The following MYO5A variants were observed in gnomAD, a reference collection of about 807,000 sequenced individuals.
MYO5A encodes the protein unconventional myosin-Va.
A neutral mutation model predicts 249.7 loss-of-function variants in MYO5A; 98 were observed. That is an observed-to-expected ratio of 0.39 (90% CI 0.33 to 0.46). MYO5A has a LOEUF of 0.46. MYO5A is among the 20% of genes least tolerant of loss of function. MYO5A has a pLI of 0.98. For synonymous variants in MYO5A, 778 were observed against 810.6 expected (o/e 0.96, Z 0.68); for missense variants, 1,696 against 2,308.8 (o/e 0.73, Z 5.44).
chr15:52,481,685 A>G (rs2076718028), intron 1 of MYO5A, among the ~76,000 whole-genome samples: 1 of 152,268 alleles, frequency 6.6e-6, no homozygotes, highest in African/African-American at 2.4e-5. Context: ...TTCATGTTCC[A>G]GACATGAATG....
At chr15:52,525,173 T>C (rs2077708775) in intron 1 of MYO5A, among the ~76,000 whole-genome samples, 1 of 152,182 alleles carries the variant, frequency 6.6e-6, no homozygotes, top group Admixed American at 6.5e-5. Context: ...ATAGTTTCCT[T>C]TAATTCTTTT....
intron 29 of MYO5A, among the ~76,000 whole-genome samples, chr15:52,347,353 C>T (rs2141008830): frequency 6.6e-6 from 1 of 152,256 alleles, no homozygotes; most frequent in African/African-American, 2.4e-5. Flanking sequence ...AAAAGAAACC[C>T]TGCTGTGTAG....
chr15:52,343,299 A>C, intron 30 of MYO5A, 102 bp from the exon 31 acceptor site: 2 of 1,019,234 alleles, frequency 2.0e-6, no homozygotes, highest in Non-Finnish European at 3.1e-6. Context: ...ACATTTTATA[A>C]GTTTGTTTTT....
chr15:52,350,179 G>A (rs1243971674), intron 28 of MYO5A, among the ~76,000 whole-genome samples: 1 of 152,118 alleles, frequency 6.6e-6, no homozygotes, highest in African/African-American at 2.4e-5. Context: ...TGATCTGCCC[G>A]CCTCGGCCTC....
In MYO5A at chr15:52,476,536, G is replaced by C. The variant is rs1010833710; in HGVS notation, c.28-43251C>G. Among the ~76,000 whole-genome samples, 54 of 152,294 alleles carry C rather than the reference G, an allele frequency of 3.5e-4. No individual in the cohort carries two copies. The South Asian group carries it at 4.1e-3, about 12-fold the overall frequency. ...GTTTTTGCAGTGGCTGGTACTGGTT[G>C]TTCCTTTCCATGTTTAATGCTTCCT... On this transcript the variant is annotated intron_variant, in intron 1 of 41. Coordinates refer to ENST00000399233, the MANE Select transcript of MYO5A (RefSeq NM_001382347.1).
intron 24 of MYO5A, among the ~76,000 whole-genome samples, chr15:52,363,230 A>C (rs1348075091): frequency 3.3e-5 from 5 of 152,250 alleles, no homozygotes; most frequent in Non-Finnish European, 5.9e-5. Flanking sequence ...AAAAGAAGAA[A>C]AGGATTCAAG....
At chr15:52,397,065 G>T in intron 10 of MYO5A, 136 bp downstream of exon 10, 1 of 1,016,462 alleles carries the variant, frequency 9.8e-7, no homozygotes, top group Non-Finnish European at 1.5e-6. Flanking sequence ...CATCATCAAG[G>T]TATTCTTGAA....
chr15:52,497,441 AT>A (rs959912341), intron 1 of MYO5A, among the ~76,000 whole-genome samples: 5 of 150,748 alleles, frequency 3.3e-5, no homozygotes, highest in African/African-American at 1.2e-4. Context: ...AAATAAATAA[AT>A]AAATAAAATT....
intron 2 of MYO5A, among the ~76,000 whole-genome samples, chr15:52,431,034 C>A (rs140372445): frequency 2.6e-5 from 4 of 151,182 alleles, no homozygotes; most frequent in South Asian, 2.1e-4. Flanking sequence ...GAGTTTGAGA[C>A]CCGCCTGGCC....
rs1275735156 is a variant in MYO5A at position 52,428,443 on chromosome 15, G to T, written c.265C>A (p.Leu89Ile). 6.2e-7 allele frequency: 1 copy of T among 1,614,064 alleles called. No homozygotes were observed. The highest frequency in any genetic ancestry group is 8.5e-7 in the Non-Finnish European group (1 of 1,180,024). ...TTGGAATCAATAAAGCGGACTCTGAGATTATGGAGCACAGCAGGCTCATGA... is the reference window on the plus strand; with the variant it reads ...TTGGAATCAATAAAGCGGACTCTGATATTATGGAGCACAGCAGGCTCATGA... ...YLHEPAVLHN[L>I]RVRFIDSKLI... is the part of the protein sequence containing the mutation. The change falls in exon 3 of 42, where the codon CTC becomes ATC. Residue 89 changes from leucine to isoleucine, a missense_variant. Physicochemically the swap from Leu to Ile is conservative, Grantham distance 5. Coordinates refer to ENST00000399233, the MANE Select transcript of MYO5A (RefSeq NM_001382347.1).
intron 11 of MYO5A, among the ~76,000 whole-genome samples, chr15:52,393,440 C>T (rs188022412): frequency 1.1e-3 from 167 of 151,440 alleles, no homozygotes; most frequent in African/African-American, 3.9e-3. Context: ...GTCACCCAGG[C>T]TGGAGTGCAG....
At chr15:52,497,259 G>C (rs933828330) in intron 1 of MYO5A, among the ~76,000 whole-genome samples, 2 of 151,954 alleles carry the variant, frequency 1.3e-5, no homozygotes, top group African/African-American at 4.8e-5. Context: ...ACTGCACCCA[G>C]CCCGAGAAAA....
At chr15:52,408,030 G>A (rs1316022980) in intron 7 of MYO5A, 29 bp downstream of exon 7, 2 of 1,390,932 alleles carry the variant, frequency 1.4e-6, no homozygotes, top group African/African-American at 1.4e-5. Context: ...AACAATACCA[G>A]AACAATAAAT....
chr15:52,438,175 G>A (rs540164999), intron 1 of MYO5A: 1 of 411,088 alleles, frequency 2.4e-6, no homozygotes, highest in South Asian at 1.0e-4. Flanking sequence ...ACTTCCTACT[G>A]CTTTCATCAC....
At chr15:52,518,904 T>G (rs911593018) in intron 1 of MYO5A, among the ~76,000 whole-genome samples, 4 of 152,200 alleles carry the variant, frequency 2.6e-5, no homozygotes, top group Non-Finnish European at 4.4e-5. Flanking sequence ...TGAAGTTCCC[T>G]CCTCAATCTA....
chr15:52,372,168 T>C lies in MYO5A; in HGVS notation c.2773A>G (p.Met925Val). 1 of 1,613,718 alleles carries C rather than the reference T, an allele frequency of 6.2e-7. No homozygotes were observed. The highest frequency in any genetic ancestry group is 8.5e-7 in the Non-Finnish European group (1 of 1,180,026). Residue 925 changes from methionine to valine, a missense_variant, in exon 21 of 42, where the codon ATG becomes GTG. Physicochemically the swap from Met to Val is conservative, Grantham distance 21. This residue lies in a region of MYO5A where 412 missense variants were observed against 453.3 expected (regional missense o/e 0.91). Coordinates refer to ENST00000399233, the MANE Select transcript of MYO5A (RefSeq NM_001382347.1). ...VERYKKLHIG[M>V]ENKIMQLQRK... ...TGCAGCTGCATGATCTTGTTCTCCA[T>C]GCCGATGTGCAGCTTCTTATAGCGC... is the stretch of plus-strand genomic sequence containing the variant.
At chr15:52,448,963 T>C (rs1196501244) in intron 1 of MYO5A, among the ~76,000 whole-genome samples, 2 of 91,026 alleles carry the variant, frequency 2.2e-5, no homozygotes, top group Non-Finnish European at 4.9e-5. Context: ...CTTTCTTTTT[T>C]TTTTTTTTTT....
intron 18 of MYO5A, among the ~76,000 whole-genome samples, chr15:52,378,004 A>G (rs2041513897): frequency 6.6e-6 from 1 of 152,200 alleles, no homozygotes; most frequent in Non-Finnish European, 1.5e-5. Context: ...AATTATTTCA[A>G]TTTAAATCAA....
chr15:52,352,613 C>G (rs2040010784), intron 27 of MYO5A, among the ~76,000 whole-genome samples: 1 of 151,926 alleles, frequency 6.6e-6, no homozygotes, highest in African/African-American at 2.4e-5. Context: ...AACCCCGTCT[C>G]TACTAAAAAA....
Sources: gnomAD v4.1 joint callset for allele counts (sites outside exome capture counted in the v4.1 genomes callset) on GRCh38, gnomAD v4.1.1 for gene constraint, gnomAD v4.1.1 regional missense constraint, MANE v1.5 for transcripts, NCBI Gene and HGNC (gene_info 2026-07-23, HGNC 2026-07-21) for gene names.